PSPC1: variants seen among roughly 807,000 people sequenced by gnomAD.
PSPC1 encodes the protein paraspeckle component 1, also known as paraspeckle protein 1.
Under a neutral mutation model 51.6 loss-of-function variants are expected in PSPC1, and 14 were observed. The observed-to-expected ratio is 0.27, with a 90% CI of 0.18 to 0.42. PSPC1 has a LOEUF of 0.42. Among genes scored for constraint, PSPC1 ranks in the 10% least tolerant of loss-of-function variants. The pLI, the probability that PSPC1 is intolerant of heterozygous loss-of-function variation, is 1.00. For synonymous variants in PSPC1, 193 were observed against 231.9 expected (o/e 0.83, Z 1.53); for missense variants, 406 against 701.1 (o/e 0.58, Z 4.75).
In PSPC1 at chr13:19,703,112, G is replaced by C; in HGVS notation, c.*63C>G. Reference sequence around the variant, plus strand: ...TAAAACCATTTCTTCCAGATAACAGGTAAAAGTATAAAGGCATACCACTGA... The same window carrying C: ...TAAAACCATTTCTTCCAGATAACAGCTAAAAGTATAAAGGCATACCACTGA... On this transcript the variant is annotated 3_prime_UTR_variant, in exon 9 of 9. Coordinates refer to ENST00000338910, the MANE Select transcript of PSPC1 (RefSeq NM_001354909.2). The C allele has an allele frequency of 1.4e-6, 2 of 1,419,788 alleles. No homozygotes were observed. The highest frequency in any genetic ancestry group is 9.7e-7 in the Non-Finnish European group (1 of 1,030,100). 87.9% of individuals were successfully genotyped at this position (1,419,788 alleles called of 1,614,324 possible).
At chr13:19,695,394 T>C (rs968626154) in intron 6 of PSPC1, among the ~76,000 whole-genome samples, 1 of 152,218 alleles carries the variant, frequency 6.6e-6, no homozygotes, top group African/African-American at 2.4e-5. Context: ...GCCCTAAAAC[T>C]TGGAGCATGT....
chr13:19,714,144 T>C (rs1881795657), intron 6 of PSPC1, among the ~76,000 whole-genome samples: 1 of 152,220 alleles, frequency 6.6e-6, no homozygotes, highest in Non-Finnish European at 1.5e-5. Context: ...TTCTTCACAA[T>C]AAAACAGGAT....
intron 6 of PSPC1, among the ~76,000 whole-genome samples, chr13:19,693,875 G>T (rs2137661434): frequency 6.6e-6 from 1 of 152,198 alleles, no homozygotes; most frequent in African/African-American, 2.4e-5. Flanking sequence ...TGTAATCCAA[G>T]CACTTTGGGA....
chr13:19,773,249 A>ATT (rs572248368), intron 1 of PSPC1, among the ~76,000 whole-genome samples: 4 of 133,934 alleles, frequency 3.0e-5, no homozygotes, highest in Non-Finnish European at 3.2e-5. Context: ...TTTTTATCTC[A>ATT]TTTTTTTTTT....
chr13:19,738,644 A>T (rs1885099001), intron 5 of PSPC1, among the ~76,000 whole-genome samples: 1 of 152,178 alleles, frequency 6.6e-6, no homozygotes, highest in Non-Finnish European at 1.5e-5. Flanking sequence ...GCAGTGGCTC[A>T]CGCCTGTAAT....
rs376878586 is a variant in PSPC1 at position 19,747,363 on chromosome 13, G to A, written c.967+3908C>T. On this transcript the variant is annotated intron_variant, in intron 4 of 8. Transcript: ENST00000338910. The stretch of plus-strand genomic sequence containing the variant: ...AGCTTTTTTTTAGAGACAGAGTCTC[G>A]TTCTGTCATCCAGGCTGGAGTACAG... Among the ~76,000 whole-genome samples the A allele has an allele frequency of 1.1e-4, 16 of 152,184 alleles. No individual in the cohort carries two copies. The East Asian group carries it at 1.9e-3, about 18-fold the overall frequency.
chr13:19,742,564 C>A (rs1885544870), intron 4 of PSPC1, among the ~76,000 whole-genome samples: 1 of 152,078 alleles, frequency 6.6e-6, no homozygotes, highest in Admixed American at 6.6e-5. Context: ...CATGGCGCAA[C>A]CCCATCTCTA....
chr13:19,709,281 TTA>T (rs1443379123), intron 7 of PSPC1, among the ~76,000 whole-genome samples: 1 of 152,200 alleles, frequency 6.6e-6, no homozygotes, highest in Non-Finnish European at 1.5e-5. Flanking sequence ...GCAACCTGGT[TTA>T]TATGTTTCTT....
At chr13:19,744,537 G>A (rs1481726476) in intron 4 of PSPC1, among the ~76,000 whole-genome samples, 1 of 152,010 alleles carries the variant, frequency 6.6e-6, no homozygotes, top group Non-Finnish European at 1.5e-5. Context: ...ACTGTAAAAA[G>A]TACATAACTA....
rs1877640896 is a variant in PSPC1, at chr13:19,684,557, C to T, written c.1159-6734G>A. Among the ~76,000 whole-genome samples the T allele has an allele frequency of 4.6e-5, 7 of 152,134 alleles. 1 individual carries two copies. The highest frequency in any genetic ancestry group is 4.6e-4 in the Admixed American group (7 of 15,264). On this transcript the variant is annotated intron_variant and NMD_transcript_variant, in intron 6 of 7. Transcript: ENST00000471658. ...CGTAAAACCATTTAAAAAATAGCAC[C>T]TTACTGTTACTTATTTTGAAGATAA... is the stretch of plus-strand genomic sequence containing the variant.
rs545493024 is a variant in PSPC1 at position 19,761,675 on chromosome 13, CA to C, written c.675-2258del. 4.7e-4 allele frequency among the ~76,000 whole-genome samples: 71 copies of C among 152,234 alleles called. 1 individual carries two copies. Among genetic ancestry groups the C allele is most frequent in the African/African-American group, 8.9e-4 (37 of 41,552 alleles). On this transcript the variant is annotated intron_variant, in intron 2 of 8. Transcript: ENST00000338910. Reference sequence around the variant, plus strand: ...TGGTGGAATGAGATTATAGAAACCTCAGATAAACTGAATAGGAACCCAAAGG... The same window carrying C: ...TGGTGGAATGAGATTATAGAAACCTCGATAAACTGAATAGGAACCCAAAGG...
At chr13:19,762,028 G>A (rs1593741168) in intron 2 of PSPC1, among the ~76,000 whole-genome samples, 1 of 152,136 alleles carries the variant, frequency 6.6e-6, no homozygotes, top group Non-Finnish European at 1.5e-5. Context: ...CAGAATTAAG[G>A]GAAAACTCTG....
chr13:19,771,433 T>G (rs1482493019), intron 2 of PSPC1, among the ~76,000 whole-genome samples: 1 of 152,016 alleles, frequency 6.6e-6, no homozygotes, highest in Non-Finnish European at 1.5e-5. Flanking sequence ...CCACCGCGCC[T>G]GGCCCAAGGT....
At chr13:19,671,899 G>A (rs767072111), downstream of PSPC1, 1 of 1,610,854 alleles carries the variant, frequency 6.2e-7, no homozygotes, top group Admixed American at 1.7e-5. Flanking sequence ...ACTGGGCGGA[G>A]TTCTCTTCAG....
intron 6 of PSPC1, among the ~76,000 whole-genome samples, chr13:19,692,073 T>C (rs972638377): frequency 4.6e-5 from 7 of 152,130 alleles, no homozygotes; most frequent in South Asian, 4.1e-4. Context: ...TTAATTCAGA[T>C]GGGAAACTAC....
At chr13:19,774,147 TCTA>T (rs1472196347) in intron 1 of PSPC1, among the ~76,000 whole-genome samples, 1 of 152,204 alleles carries the variant, frequency 6.6e-6, no homozygotes, top group Non-Finnish European at 1.5e-5. Flanking sequence ...AGAACTTCCT[TCTA>T]CTGGGAGAAT....
intron 6 of PSPC1, among the ~76,000 whole-genome samples, chr13:19,722,448 T>G (rs553505812): frequency 1.3e-5 from 2 of 151,368 alleles, no homozygotes; most frequent in Admixed American, 6.6e-5. Context: ...CACAGGGCGC[T>G]ATGATCGTGC....
intron 6 of PSPC1, among the ~76,000 whole-genome samples, chr13:19,715,804 G>C (rs770923866): frequency 6.6e-6 from 1 of 152,084 alleles, no homozygotes; most frequent in Non-Finnish European, 1.5e-5. Flanking sequence ...ACGAGGTCAA[G>C]AGATCAAGAC....
chr13:19,716,420 C>T (rs536861068), intron 6 of PSPC1, among the ~76,000 whole-genome samples: 101 of 152,258 alleles, frequency 6.6e-4, no homozygotes, highest in African/African-American at 2.3e-3. Context: ...TGATCAATGA[C>T]GAGAGGTATT....
Sources: gnomAD v4.1 joint callset for allele counts (sites outside exome capture counted in the v4.1 genomes callset) on GRCh38, gnomAD v4.1.1 for gene constraint, MANE v1.5 for transcripts, NCBI Gene and HGNC (gene_info 2026-07-23, HGNC 2026-07-21) for gene names.